Variants in CYTH1 observed in about 807,000 individuals in gnomAD.
CYTH1 encodes the protein cytohesin-1.
CYTH1 carries 18 observed loss-of-function variants against 61.8 expected under a neutral mutation model. The ratio of observed to expected loss-of-function variants is 0.29; its 90% CI spans 0.20 to 0.43. The LOEUF (loss-of-function observed/expected upper bound fraction) is 0.43, where lower values mean the gene tolerates loss of function less well. Among genes scored for constraint, CYTH1 ranks in the 20% least tolerant of loss-of-function variants. The pLI is 1.00. For synonymous variants in CYTH1, 174 were observed against 184.3 expected (o/e 0.94, Z 0.45); for missense variants, 336 against 510.5 (o/e 0.66, Z 3.29).
rs566889272 is a variant in CYTH1 at position 78,676,413 on chromosome 17, C to T, written c.1119-244G>A. On this transcript the variant is annotated intron_variant, in intron 13 of 13. Coordinates refer to ENST00000446868, the MANE Select transcript of CYTH1 (RefSeq NM_004762.6). ...ATTTTGGGGTTTTTACCTGTTTCAA[C>T]ATAATAATCAATTCACATTTAGGAA... 25 of 530,696 alleles carry T rather than the reference C, an allele frequency of 4.7e-5. No individual in the cohort carries two copies. The South Asian group carries it at 5.8e-4, about 12-fold the overall frequency. 32.9% of individuals were successfully genotyped at this position (530,696 alleles called of 1,614,324 possible).
chr17:78,724,395 A>G (rs1272046388), intron 1 of CYTH1, among the ~76,000 whole-genome samples: 1 of 152,206 alleles, frequency 6.6e-6, no homozygotes, highest in African/African-American at 2.4e-5. Context: ...AAGGAGAGAA[A>G]GTAAAAGGGA....
chr17:78,710,867 T>C (rs1341478678), intron 1 of CYTH1, among the ~76,000 whole-genome samples: 1 of 152,176 alleles, frequency 6.6e-6, no homozygotes, highest in Non-Finnish European at 1.5e-5. Context: ...TGGGTGCCTA[T>C]GTGAGCCTGA....
intron 1 of CYTH1, among the ~76,000 whole-genome samples, chr17:78,729,445 T>C (rs561047505): frequency 3.5e-4 from 54 of 152,302 alleles, no homozygotes; most frequent in African/African-American, 1.3e-3. Flanking sequence ...ATGAATAACA[T>C]ACCATTTTCC....
chr17:78,692,327 AAC>A, intron 11 of CYTH1, 88 bp downstream of exon 11: 1 of 1,342,546 alleles, frequency 7.4e-7, no homozygotes, highest in Admixed American at 1.8e-5. Context: ...GGGCAAATCC[AAC>A]GGTCTCCTCA....
chr17:78,733,409 C>T (rs925469717), intron 1 of CYTH1, among the ~76,000 whole-genome samples: 1 of 152,138 alleles, frequency 6.6e-6, no homozygotes, highest in African/African-American at 2.4e-5. Flanking sequence ...GGTACACTAC[C>T]AATAGAGCCC....
chr17:78,718,224 C>CACAT (rs1322768817), intron 1 of CYTH1, among the ~76,000 whole-genome samples: 5 of 73,136 alleles, frequency 6.8e-5, no homozygotes, highest in South Asian at 4.0e-4. Context: ...TGAATACACA[C>CACAT]ACACACACAC....
At chr17:78,727,824 C>A (rs536238001) in intron 1 of CYTH1, 69 of 419,662 alleles carry the variant, frequency 1.6e-4, no homozygotes, top group African/African-American at 1.1e-3. Flanking sequence ...ATGCAGGGGG[C>A]AGAACTGTAG....
At chr17:78,759,315 G>A (rs2144702942) in intron 1 of CYTH1, among the ~76,000 whole-genome samples, 2 of 152,216 alleles carry the variant, frequency 1.3e-5, no homozygotes, top group South Asian at 4.1e-4. Context: ...TAGGTCTCAT[G>A]CGCCTAGCAG....
At chr17:78,709,186 C>T (rs2093101031) in intron 2 of CYTH1, 1 of 158,112 alleles carries the variant, frequency 6.3e-6, no homozygotes, top group Admixed American at 6.4e-5. Context: ...AACTGTGTAG[C>T]AGGTGTTTTC....
At chr17:78,678,755 C>CA (rs2092727658) in intron 13 of CYTH1, among the ~76,000 whole-genome samples, 1 of 152,144 alleles carries the variant, frequency 6.6e-6, no homozygotes, top group East Asian at 1.9e-4. Flanking sequence ...GCTGTCATGC[C>CA]AGGGAAGCTG....
chr17:78,734,040 A>G (rs2093308292), intron 1 of CYTH1, among the ~76,000 whole-genome samples: 1 of 152,238 alleles, frequency 6.6e-6, no homozygotes, highest in Non-Finnish European at 1.5e-5. Flanking sequence ...ACATGAGGTC[A>G]GGAGTTCAAC....
chr17:78,721,876 T>C (rs187612752), intron 1 of CYTH1, among the ~76,000 whole-genome samples: 1 of 152,160 alleles, frequency 6.6e-6, no homozygotes, highest in African/African-American at 2.4e-5. Flanking sequence ...AAAAACCCCA[T>C]CTCTACCAAA....
chr17:78,722,502 C>T (rs1036745760), intron 1 of CYTH1, among the ~76,000 whole-genome samples: 2 of 152,180 alleles, frequency 1.3e-5, no homozygotes, highest in African/African-American at 4.8e-5. Context: ...CCCAAGGGGG[C>T]AGGCTCCTGT....
Position 78,697,341 on chromosome 17 carries a change from A to C in CYTH1, c.811+928T>G, listed in dbSNP as rs564882430. ...GCTAGTGTCCAAAAAAAAAAAAAAA[A>C]AAAGGACATCATTATGTCCAGAGAG... On this transcript the variant is annotated intron_variant, in intron 9 of 13. Coordinates refer to ENST00000446868, the MANE Select transcript of CYTH1 (RefSeq NM_004762.6). 1.2e-3 allele frequency among the ~76,000 whole-genome samples: 181 copies of C among 151,844 alleles called. 1 individual carries two copies. The highest frequency in any genetic ancestry group is 4.3e-3 in the African/African-American group (177 of 41,430).
intron 1 of CYTH1, among the ~76,000 whole-genome samples, chr17:78,740,749 G>A (rs2093338902): frequency 6.6e-6 from 1 of 152,138 alleles, no homozygotes; most frequent in Non-Finnish European, 1.5e-5. Context: ...TTGCAAATGG[G>A]TACTATTAAT....
At chr17:78,734,195 A>G (rs2093309035) in intron 1 of CYTH1, among the ~76,000 whole-genome samples, 1 of 151,762 alleles carries the variant, frequency 6.6e-6, no homozygotes, top group Admixed American at 6.6e-5. Flanking sequence ...GGTTGCAGTG[A>G]GCCAAGATTG....
chr17:78,742,135 A>G (rs1287841290), intron 1 of CYTH1, among the ~76,000 whole-genome samples: 2 of 152,254 alleles, frequency 1.3e-5, no homozygotes, highest in Non-Finnish European at 2.9e-5. Context: ...CTCAGCTCCT[A>G]CTAGTTCCTT....
intron 1 of CYTH1, among the ~76,000 whole-genome samples, chr17:78,755,745 G>A (rs2093398123): frequency 6.6e-6 from 1 of 151,708 alleles, no homozygotes; most frequent in South Asian, 2.1e-4. Context: ...ACCAGTCTGG[G>A]CAACATAAAT....
At position 78,754,210 on chromosome 17, in the gene CYTH1, C is replaced by G. The variant is rs1017264861; in HGVS notation, c.22+27992G>C. Among the ~76,000 whole-genome samples, 9 of 152,230 alleles carry G rather than the reference C, an allele frequency of 5.9e-5. 1 individual carries two copies. The highest frequency in any genetic ancestry group is 1.4e-4 in the African/African-American group (6 of 41,454). On this transcript the variant is annotated intron_variant, in intron 1 of 13. Coordinates refer to ENST00000446868, the MANE Select transcript of CYTH1 (RefSeq NM_004762.6). ...TGCTGACAGAACTTTCCAAGAGCAACTGTCTTCTCTGATCTGCCATGCTTC... is the reference window on the plus strand; with the variant it reads ...TGCTGACAGAACTTTCCAAGAGCAAGTGTCTTCTCTGATCTGCCATGCTTC...
Sources: allele counts gnomAD v4.1 joint callset (sites outside exome capture counted in the v4.1 genomes callset), GRCh38; gene constraint gnomAD v4.1.1; transcripts MANE v1.5; gene names NCBI Gene and HGNC (gene_info 2026-07-23, HGNC 2026-07-21).